NAA25: variants seen among roughly 807,000 people sequenced by gnomAD.
The protein encoded by NAA25 is N-terminal acetyltransferase B complex subunit NAA25.
In NAA25, 30 loss-of-function variants were observed where a neutral mutation model predicts 132.5. The observed-to-expected ratio is 0.23, with a 90% confidence interval of 0.17 to 0.31. The LOEUF (loss-of-function observed/expected upper bound fraction) is 0.31, where lower values mean the gene tolerates loss of function less well. NAA25 is among the 10% of genes least tolerant of loss of function. The probability of loss-of-function intolerance (pLI) is 1.00; values close to 1 mark genes in which losing one functional copy is unlikely to be tolerated. For synonymous variants in NAA25, 359 were observed against 401.9 expected, an observed-to-expected ratio of 0.89 and a Z score of 1.28; for missense variants, 771 against 1,150.4, an observed-to-expected ratio of 0.67 and a Z score of 4.77.
At chr12:112,101,610 A>T (rs185375392) in intron 1 of NAA25, among the ~76,000 whole-genome samples, 189 of 152,184 alleles carry the variant, frequency 1.2e-3, no homozygotes, top group African/African-American at 4.3e-3. Flanking sequence ...TACAAAAATT[A>T]GCCAGGTGTG....
intron 4 of NAA25, among the ~76,000 whole-genome samples, chr12:112,085,679 T>C (rs2079035758): frequency 6.6e-6 from 1 of 151,996 alleles, no homozygotes; most frequent in African/African-American, 2.4e-5. Flanking sequence ...AAAATGATAT[T>C]AAGGATTTAT....
intron 1 of NAA25, among the ~76,000 whole-genome samples, chr12:112,098,421 T>C (rs1397872438): frequency 6.6e-6 from 1 of 152,202 alleles, no homozygotes; most frequent in African/African-American, 2.4e-5. Flanking sequence ...GCTAAGTCTC[T>C]TGGGAAAGTT....
At chr12:112,094,809 A>G (rs973665171) in intron 1 of NAA25, among the ~76,000 whole-genome samples, 1 of 152,040 alleles carries the variant, frequency 6.6e-6, no homozygotes, top group Admixed American at 6.6e-5. Flanking sequence ...ACAGGTGTGC[A>G]CCACCATGCC....
In NAA25 at chr12:112,045,858, A is replaced by G. The variant is rs12822176; in HGVS notation, c.2006+1807T>C. On this transcript the variant is annotated intron_variant, in intron 17 of 23. Coordinates refer to ENST00000261745, the MANE Select transcript of NAA25 (RefSeq NM_024953.4). ...TAACAATTTTAAACAAATTGGTTACAGTATGCAACAGAGGCTCCATCTAAA... is the reference window on the plus strand; with the variant it reads ...TAACAATTTTAAACAAATTGGTTACGGTATGCAACAGAGGCTCCATCTAAA... Among the ~76,000 whole-genome samples the G allele has an allele frequency of 3.8e-3, 581 of 152,336 alleles. 1 individual carries two copies. Among genetic ancestry groups the G allele is most frequent in the Non-Finnish European group, 6.1e-3 (417 of 68,036 alleles).
intron 11 of NAA25, among the ~76,000 whole-genome samples, chr12:112,067,176 G>A (rs897149921): frequency 2.6e-5 from 4 of 152,170 alleles, no homozygotes; most frequent in Non-Finnish European, 5.9e-5. Context: ...TCCAGCCTGG[G>A]CGACAGAGCG....
At chr12:112,086,102 A>ACACACACTCACACC (rs796241170) in intron 4 of NAA25, among the ~76,000 whole-genome samples, 1 of 120,788 alleles carries the variant, frequency 8.3e-6, no homozygotes, top group Admixed American at 9.4e-5. Flanking sequence ...ACACACACAC[A>ACACACACTCACACC]CCCATAACCA....
intron 1 of NAA25, among the ~76,000 whole-genome samples, chr12:112,098,215 A>G (rs994548090): frequency 6.6e-6 from 1 of 151,984 alleles, no homozygotes; most frequent in South Asian, 2.1e-4. Flanking sequence ...GGTCCTGACA[A>G]CTTTCTCATT....
At chr12:112,074,228 C>A (rs2078859925) in intron 9 of NAA25, among the ~76,000 whole-genome samples, 1 of 150,170 alleles carries the variant, frequency 6.7e-6, no homozygotes, top group Non-Finnish European at 1.5e-5. Flanking sequence ...ATAGTCCCAG[C>A]TATTCGGGAA....
At chr12:112,091,195 G>A (rs2079123503) in intron 2 of NAA25, among the ~76,000 whole-genome samples, 2 of 151,170 alleles carry the variant, frequency 1.3e-5, no homozygotes, top group African/African-American at 4.9e-5. Flanking sequence ...CCGGGAGGTT[G>A]ATCACGTCAC....
intron 11 of NAA25, among the ~76,000 whole-genome samples, chr12:112,062,814 G>A (rs1036339273): frequency 2.2e-4 from 34 of 152,192 alleles, no homozygotes; most frequent in African/African-American, 7.7e-4. Context: ...CAACAGAGAT[G>A]GGAGAATCAC....
At chr12:112,039,009 C>G (rs1412076078) in intron 22 of NAA25, among the ~76,000 whole-genome samples, 1 of 151,980 alleles carries the variant, frequency 6.6e-6, no homozygotes. Flanking sequence ...AAAAAAAACA[C>G]TAACAATAGC....
In NAA25 at chr12:112,049,379, A is replaced by C; in HGVS notation, c.1729-936T>G. ...CCCCAAAAAAGATCCTTTCTAGAAA[A>C]AACAGTCTTTTTACACAGCCTCAGT... On this transcript the variant is annotated intron_variant, in intron 15 of 23. Coordinates refer to ENST00000261745, the MANE Select transcript of NAA25 (RefSeq NM_024953.4). This position sits in a 1 kb window ranked among gnomAD's most constrained non-coding sequence, Gnocchi z 4.7. 1 of 897,522 alleles carries C rather than the reference A, an allele frequency of 1.1e-6. No homozygotes were observed. Among genetic ancestry groups the C allele is most frequent in the Non-Finnish European group, 1.3e-6 (1 of 749,634 alleles). 55.6% of individuals were successfully genotyped at this position (897,522 alleles called of 1,614,324 possible).
chr12:112,037,280 AT>A (rs1247319994), intron 22 of NAA25, among the ~76,000 whole-genome samples: 2 of 30,296 alleles, frequency 6.6e-5, no homozygotes, highest in Non-Finnish European at 1.0e-4. Flanking sequence ...AAATACATAT[AT>A]ATATATATAT....
chr12:112,053,184 CAG>C lies in NAA25; in HGVS notation c.1728+372_1728+373del, dbSNP rs968978992. On this transcript the variant is annotated intron_variant, in intron 15 of 23. Coordinates refer to ENST00000261745, the MANE Select transcript of NAA25 (RefSeq NM_024953.4). ...ACATTTCAGAGTTAAATAAAAGTAA[CAG>C]AGAGCAGCTGCTATTGCAGGATGTT... Among the ~76,000 whole-genome samples, 4 of 152,164 alleles carry C rather than the reference CAG, an allele frequency of 2.6e-5. No homozygotes were observed. The East Asian group carries it at 7.7e-4, about 29-fold the overall frequency.
In NAA25 at chr12:112,042,096, T is replaced by C. The variant is rs774386191; in HGVS notation, c.2383A>G (p.Met795Val). The C allele has an allele frequency of 6.1e-6, 9 of 1,463,876 alleles. No homozygotes were observed. The highest frequency in any genetic ancestry group is 2.8e-5 in the South Asian group (2 of 71,958). The allele number at this position is 1,463,876 out of a possible 1,614,324, so 90.7% of individuals were successfully genotyped here. Reference protein sequence around the residue: ...ELDTSGLEDTMEIQERIENSF... With the variant: ...ELDTSGLEDTVEIQERIENSF... Reference sequence around the variant, plus strand: ...TTTTCTATTCGTTCCTGAATCTCCATTGTATCCTCTAAAATTGAAAAACAA... The same window carrying C: ...TTTTCTATTCGTTCCTGAATCTCCACTGTATCCTCTAAAATTGAAAAACAA... The change falls in exon 20 of 24, where the codon ATG (methionine) becomes GTG (valine). Residue 795 changes from methionine (M) to valine (V), a missense_variant. Physicochemically the swap from Met to Val is conservative, Grantham distance 21 (BLOSUM62 1). Coordinates refer to ENST00000261745, the MANE Select transcript of NAA25 (RefSeq NM_024953.4).
intron 1 of NAA25, among the ~76,000 whole-genome samples, chr12:112,100,318 G>C (rs1463621756): frequency 7.3e-5 from 11 of 151,664 alleles, no homozygotes; most frequent in Non-Finnish European, 1.3e-4. Flanking sequence ...CGTACCACCA[G>C]GCCTGGCTAA....
At chr12:112,062,037 G>A (rs142863824) in intron 11 of NAA25, among the ~76,000 whole-genome samples, 153 of 152,180 alleles carry the variant, frequency 1.0e-3, no homozygotes, top group Non-Finnish European at 1.8e-3. Flanking sequence ...TTCTAGTTAT[G>A]TATTTATTAA....
At chr12:112,044,897 CA>C (rs1159606169) in intron 17 of NAA25, among the ~76,000 whole-genome samples, 1 of 141,278 alleles carries the variant, frequency 7.1e-6, no homozygotes, top group East Asian at 2.1e-4. Context: ...AAAAAAAATA[CA>C]AAAAATTGGC....
At chr12:112,087,089 G>A (rs1341774160) in intron 4 of NAA25, among the ~76,000 whole-genome samples, 1 of 151,240 alleles carries the variant, frequency 6.6e-6, no homozygotes, top group Non-Finnish European at 1.5e-5. Context: ...ATTTCTCTGA[G>A]ATGTTAGCTT....
Sources: allele counts gnomAD v4.1 joint callset (sites outside exome capture counted in the v4.1 genomes callset), GRCh38; gene constraint gnomAD v4.1.1; non-coding constraint Gnocchi (gnomAD v3.1); transcripts MANE v1.5; gene names NCBI Gene and HGNC (gene_info 2026-07-23, HGNC 2026-07-21).